The following GJD4 variants were observed in gnomAD, a reference collection of about 807,000 sequenced individuals.
The protein encoded by GJD4 is gap junction protein delta 4.
Under a neutral mutation model 17.9 loss-of-function variants are expected in GJD4, and 18 were observed. That is an observed-to-expected ratio of 1.00 (90% CI 0.69 to 1.49). The LOEUF is 1.49. Ranked by LOEUF, GJD4 falls within the 40% of genes most tolerant of loss-of-function variation. The probability of loss-of-function intolerance (pLI) is 0.00; values close to 1 mark genes in which losing one functional copy is unlikely to be tolerated. For missense variants in GJD4, 639 were observed against 506.9 expected, an observed-to-expected ratio of 1.26 and a Z score of -2.50; for synonymous variants, 293 against 236.8, an observed-to-expected ratio of 1.24 and a Z score of -2.18.
Position 35,607,610 on chromosome 10 carries a change from C to A in GJD4, c.97C>A (p.Arg33=), listed in dbSNP as rs755718143. Reference sequence around the variant, plus strand: ...CTGGTTCGTCCTCACGATGCTGCTGCGGATGCTGGTGATTGTCTTGGCGGG... The same window carrying A: ...CTGGTTCGTCCTCACGATGCTGCTGAGGATGCTGGTGATTGTCTTGGCGGG... ...KLWFVLTMLL[R]MLVIVLAGRP... The change falls in exon 2 of 2, where the codon CGG becomes AGG. Residue 33 remains arginine (R), a synonymous_variant. Coordinates refer to ENST00000321660, the MANE Select transcript of GJD4 (RefSeq NM_153368.3). 3 of 1,614,192 alleles carry A rather than the reference C, an allele frequency of 1.9e-6. No homozygotes were observed. The highest frequency in any genetic ancestry group is 1.7e-6 in the Non-Finnish European group (2 of 1,180,022).
At chr10:35,606,910 G>T (rs1835463614) in intron 1 of GJD4, 2 of 152,138 alleles carry the variant, frequency 1.3e-5, no homozygotes, top group Non-Finnish European at 2.9e-5. Flanking sequence ...TGTTCATAAA[G>T]AAATTCAATT....
chr10:35,608,350 G>A lies in GJD4; in HGVS notation c.837G>A (p.Arg279=), dbSNP rs139809902. The part of the protein sequence containing the change: ...RAGGEGAGSP[R]RTSRVSGHTK... ...GAGGGGAGGGGGCTGGCAGCCCCAG[G>A]CGTACATCCAGGGTGTCAGGGCACA... Residue 279 remains arginine, a synonymous_variant, in exon 2 of 2, where the codon AGG becomes AGA. Coordinates refer to ENST00000321660, the MANE Select transcript of GJD4 (RefSeq NM_153368.3). 3.6e-5 allele frequency: 56 copies of A among 1,551,754 alleles called. No homozygotes were observed. In the African/African-American group the frequency reaches 7.2e-4, roughly 20 times the overall value.
In GJD4 at chr10:35,608,307, C is replaced by T. The variant is rs1430783716; in HGVS notation, c.794C>T (p.Pro265Leu). The change falls in exon 2 of 2, where the codon CCC becomes CTC. Residue 265 changes from proline to leucine, a missense_variant. Transcript: ENST00000321660. ...GGREEEGAPA[P>L]PGARAGGEGA... ...CGGGAGGAAGAGGGGGCACCGGCGC[C>T]CCCGGGTGCACGCGCCGGAGGGGAG... The T allele has an allele frequency of 1.9e-6, 3 of 1,548,736 alleles. No individual in the cohort carries two copies. Among genetic ancestry groups the T allele is most frequent in the South Asian group, 2.4e-5 (2 of 84,256 alleles).
rs775109021 is a variant in GJD4 at position 35,607,655 on chromosome 10, G to A, written c.142G>A (p.Glu48Lys). Residue 48 changes from glutamate (E) to lysine (K), a missense_variant, in exon 2 of 2, where the codon GAG (glutamate) becomes AAG (lysine). Glu to Lys is a moderately conservative substitution (Grantham distance 56, BLOSUM62 1). Coordinates refer to ENST00000321660, the MANE Select transcript of GJD4 (RefSeq NM_153368.3). The part of the protein sequence containing the change: ...VLAGRPVYQD[E>K]QERFVCNTLQ... ...GGCGGGGCGACCCGTCTACCAGGAC[G>A]AGCAGGAGAGGTTTGTCTGCAACAC... 1.2e-5 allele frequency: 19 copies of A among 1,614,098 alleles called. No homozygotes were observed. Among genetic ancestry groups the A allele is most frequent in the Non-Finnish European group, 1.4e-5 (17 of 1,180,048 alleles).
Position 35,608,043 on chromosome 10 carries a change from G to C in GJD4, c.530G>C (p.Arg177Pro), listed in dbSNP as rs1835483109. ...FLAPKKFPCT[R>P]PPCTGVVDCY... ...GCCCCGAAGAAGTTCCCTTGCACGC[G>C]CCCTCCGTGCACGGGCGTGGTGGAC... is the stretch of plus-strand genomic sequence containing the variant. Residue 177 changes from arginine to proline, a missense_variant, in exon 2 of 2, where the codon CGC becomes CCC. Physicochemically the swap from Arg to Pro is moderately radical, Grantham distance 103 (BLOSUM62 -2). Coordinates refer to ENST00000321660, the MANE Select transcript of GJD4 (RefSeq NM_153368.3). 6.2e-7 allele frequency: 1 copy of C among 1,609,936 alleles called. No individual in the cohort carries two copies. Among genetic ancestry groups the C allele is most frequent in the South Asian group, 1.1e-5 (1 of 90,762 alleles).
intron 1 of GJD4, 183 bp downstream of exon 1, chr10:35,605,814 A>T: frequency 1.7e-6 from 1 of 603,554 alleles, no homozygotes; most frequent in East Asian, 2.8e-5. Flanking sequence ...TGAGGCTTCT[A>T]GTTTCTTTGA....
In GJD4 at chr10:35,607,836, C is replaced by T; in HGVS notation, c.323C>T (p.Pro108Leu). Residue 108 changes from proline (P) to leucine (L), a missense_variant, in exon 2 of 2, where the codon CCC (proline) becomes CTC (leucine). Physicochemically the swap from Pro to Leu is moderately conservative, Grantham distance 98 (BLOSUM62 -3). Transcript: ENST00000321660. Reference sequence around the variant, plus strand: ...GGAGCCACGCTCGCCGCGCTGGGCCCCCGCCGCTGCCCCGACCCCCGGGAG... The same window carrying T: ...GGAGCCACGCTCGCCGCGCTGGGCCTCCGCCGCTGCCCCGACCCCCGGGAG... Reference protein sequence around the residue: ...HRGATLAALGPRRCPDPREPA... With the variant: ...HRGATLAALGLRRCPDPREPA... 2 of 1,600,082 alleles carry T rather than the reference C, an allele frequency of 1.2e-6. No homozygotes were observed. Among genetic ancestry groups the T allele is most frequent in the Non-Finnish European group, 1.7e-6 (2 of 1,178,732 alleles).
At position 35,607,876 on chromosome 10, in the gene GJD4, G is replaced by A; in HGVS notation, c.363G>A (p.Gln121=). The A allele has an allele frequency of 6.3e-7, 1 of 1,595,468 alleles. No homozygotes were observed. The highest frequency in any genetic ancestry group is 8.5e-7 in the Non-Finnish European group (1 of 1,175,882). The change falls in exon 2 of 2, where the codon CAG becomes CAA. Residue 121 remains glutamine (Q), a synonymous_variant. Coordinates refer to ENST00000321660, the MANE Select transcript of GJD4 (RefSeq NM_153368.3). The part of the protein sequence containing the change: ...CPDPREPASG[Q]RRCPRPFGER... ...ACCCCCGGGAGCCGGCCTCCGGGCAGAGACGCTGCCCGCGGCCATTCGGGG... is the reference window on the plus strand; with the variant it reads ...ACCCCCGGGAGCCGGCCTCCGGGCAAAGACGCTGCCCGCGGCCATTCGGGG...
Position 35,608,460 on chromosome 10 carries a change from G to A in GJD4, c.947G>A (p.Arg316Gln), listed in dbSNP as rs560919389. ...LGRQPRGRPH[R>Q]EAAQDPRGSG... ...AGACAGCCCCGGGGCAGGCCCCACC[G>A]AGAGGCCGCCCAGGACCCCAGGGGC... Residue 316 changes from arginine to glutamine, a missense_variant, in exon 2 of 2, where the codon CGA becomes CAA. Physicochemically the swap from Arg to Gln is conservative, Grantham distance 43. Coordinates refer to ENST00000321660, the MANE Select transcript of GJD4 (RefSeq NM_153368.3). 262 of 1,548,354 alleles carry A rather than the reference G, an allele frequency of 1.7e-4. 6 individuals carry two copies. In the South Asian group the frequency reaches 2.9e-3, roughly 17 times the overall value.
rs1400195160 is a variant in GJD4, at chr10:35,605,551, T to C, written c.-17T>C. ...CCAGTGTCTCCTGCAGCCTGGAGCCTGGGACATTCTGGAAGCATGGAAGGC... is the reference window on the plus strand; with the variant it reads ...CCAGTGTCTCCTGCAGCCTGGAGCCCGGGACATTCTGGAAGCATGGAAGGC... On this transcript the variant is annotated 5_prime_UTR_variant, in exon 1 of 2. Transcript: ENST00000321660. 6.2e-7 allele frequency: 1 copy of C among 1,611,094 alleles called. No homozygotes were observed. The highest frequency in any genetic ancestry group is 8.5e-7 in the Non-Finnish European group (1 of 1,177,264).
chr10:35,608,716 T>C lies in GJD4; in HGVS notation c.*90T>C, dbSNP rs374346739. On this transcript the variant is annotated 3_prime_UTR_variant, in exon 2 of 2. Coordinates refer to ENST00000321660, the MANE Select transcript of GJD4 (RefSeq NM_153368.3). ...GGCAGGAGGATCGTTTGAGAATATA[T>C]CTCCTTGCCCAAGAGTTTGAGACCA... 343 of 923,114 alleles carry C rather than the reference T, an allele frequency of 3.7e-4. No homozygotes were observed. In the African/African-American group the frequency reaches 5.2e-3, roughly 14 times the overall value. 57.2% of individuals were successfully genotyped at this position (923,114 alleles called of 1,614,324 possible).
chr10:35,606,229 TAG>T (rs1250030195), intron 1 of GJD4: 1 of 152,450 alleles, frequency 6.6e-6, no homozygotes, highest in East Asian at 1.9e-4. Context: ...GTGTTTTTAG[TAG>T]AGACGGGGTT....
rs755914301 is a variant in GJD4 at position 35,607,528 on chromosome 10, A to C, written c.65-50A>C. 9 of 1,258,110 alleles carry C rather than the reference A, an allele frequency of 7.2e-6. No homozygotes were observed. In the East Asian group the frequency reaches 2.1e-4, roughly 30 times the overall value. The allele number at this position is 1,258,110 out of a possible 1,614,324, so 77.9% of individuals were successfully genotyped here. A position where few individuals can be genotyped will look rare whatever the true frequency, so the allele number is the denominator to read the frequency against. On this transcript the variant is annotated intron_variant, in intron 1 of 1. Transcript: ENST00000321660. The stretch of plus-strand genomic sequence containing the variant: ...AATAGACACTTTAAAGCTGTTACTC[A>C]GGGCAGTGTATTCGGGGTGATGAGG...
chr10:35,608,116 C>T lies in GJD4; in HGVS notation c.603C>T (p.Leu201=). The change falls in exon 2 of 2, where the codon CTC becomes CTT. Residue 201 remains leucine (L), a synonymous_variant. Transcript: ENST00000321660. The part of the protein sequence containing the change: ...PTEKSLLMLF[L]WAVSALSFLL... ...AGAAGTCCCTGCTGATGCTGTTCCT[C>T]TGGGCGGTCAGCGCGCTGTCTTTTC... The T allele has an allele frequency of 6.2e-7, 1 of 1,610,152 alleles. No homozygotes were observed. Among genetic ancestry groups the T allele is most frequent in the Non-Finnish European group, 8.5e-7 (1 of 1,178,922 alleles).
intron 1 of GJD4, chr10:35,607,293 T>TA: frequency 6.3e-6 from 3 of 476,592 alleles, no homozygotes; most frequent in South Asian, 5.7e-5. Flanking sequence ...ATGCTGTGAG[T>TA]AAAGACAAGC....
At chr10:35,607,355 G>T in intron 1 of GJD4, 1 of 569,466 alleles carries the variant, frequency 1.8e-6, no homozygotes, top group East Asian at 2.9e-5. Context: ...AGAGGCCAAG[G>T]CGGCAGGAGC....
Position 35,605,542 on chromosome 10 carries a change from C to T in GJD4, c.-26C>T. ...CACAGCCCTCCAGTGTCTCCTGCAG[C>T]CTGGAGCCTGGGACATTCTGGAAGC... is the stretch of plus-strand genomic sequence containing the variant. On this transcript the variant is annotated 5_prime_UTR_variant, in exon 1 of 2. Coordinates refer to ENST00000321660, the MANE Select transcript of GJD4 (RefSeq NM_153368.3). The T allele has an allele frequency of 1.2e-6, 2 of 1,602,676 alleles. No individual in the cohort carries two copies. Among genetic ancestry groups the T allele is most frequent in the African/African-American group, 1.3e-5 (1 of 74,832 alleles).
At position 35,608,305 on chromosome 10, in the gene GJD4, GC is replaced by G. The variant is rs1186593549; in HGVS notation, c.797del (p.Pro266ArgfsTer33). The G allele has an allele frequency of 3.2e-6, 5 of 1,547,482 alleles. No homozygotes were observed. The highest frequency in any genetic ancestry group is 8.7e-7 in the Non-Finnish European group (1 of 1,148,618). ...GGREEEGAPA[P>X]PGARAGGEGA... ...GGCGGGAGGAAGAGGGGGCACCGGC[GC>G]CCCCGGGTGCACGCGCCGGAGGGGA... On this transcript the variant is annotated frameshift_variant, in exon 2 of 2. Coordinates refer to ENST00000321660, the MANE Select transcript of GJD4 (RefSeq NM_153368.3). LOFTEE classifies it high-confidence loss of function.
rs1835500966 is a variant in GJD4 at position 35,608,899 on chromosome 10, C to T, written c.*273C>T. On this transcript the variant is annotated 3_prime_UTR_variant, in exon 2 of 2. Coordinates refer to ENST00000321660, the MANE Select transcript of GJD4 (RefSeq NM_153368.3). ...GCTGCAGTGAGCCAAGATCACGGCA[C>T]TGCGCTGCAGCCTGGGCAACACAGT... 6.5e-6 allele frequency: 2 copies of T among 307,200 alleles called. No homozygotes were observed. Among genetic ancestry groups the T allele is most frequent in the Admixed American group, 5.3e-5 (1 of 18,868 alleles). The allele number at this position is 307,200 out of a possible 1,614,324, so 19.0% of individuals were successfully genotyped here. A position where few individuals can be genotyped will look rare whatever the true frequency, so the allele number is the denominator to read the frequency against.
Sources: allele counts gnomAD v4.1 joint callset, GRCh38; gene constraint gnomAD v4.1.1; transcripts MANE v1.5; gene names NCBI Gene and HGNC (gene_info 2026-07-23, HGNC 2026-07-21).